Variants in TBX1 observed in about 807,000 individuals in gnomAD.
TBX1 encodes the protein T-box transcription factor 1.
A neutral mutation model predicts 40.8 loss-of-function variants in TBX1; 16 were observed. That is an observed-to-expected ratio of 0.39 (90% confidence interval 0.27 to 0.60). The LOEUF (loss-of-function observed/expected upper bound fraction) is 0.60. TBX1 is among the 20% of genes least tolerant of loss of function. The probability of loss-of-function intolerance (pLI) is 0.51; values close to 1 mark genes in which losing one functional copy is unlikely to be tolerated. For missense variants in TBX1, 755 were observed against 728.5 expected (o/e 1.04, Z -0.42); for synonymous variants, 403 against 336.8 (o/e 1.20, Z -2.15).
At chr22:19,767,390 G>A (rs1011371101), downstream of TBX1, 10 of 986,276 alleles carry the variant, frequency 1.0e-5, no homozygotes, top group Non-Finnish European at 1.2e-5. Flanking sequence ...GAATCTTCGG[G>A]ACAGCGAGCC....
intron 1 of TBX1, among the ~76,000 whole-genome samples, chr22:19,762,930 A>T (rs1249268738): frequency 1.3e-5 from 2 of 152,172 alleles, no homozygotes; most frequent in Non-Finnish European, 2.9e-5. Context: ...GAGGCCAAAA[A>T]GTCAGCAAGG....
At chr22:19,771,167 C>G (rs571917502), downstream of TBX1, among the ~76,000 whole-genome samples, 13 of 152,334 alleles carry the variant, frequency 8.5e-5, no homozygotes, top group Admixed American at 3.3e-4. Context: ...CTTCACCCCC[C>G]GCCCTGAAGG....
chr22:19,766,923 C>A lies in TBX1; in HGVS notation c.*56C>A. The A allele has an allele frequency of 6.4e-7, 1 of 1,565,306 alleles. No homozygotes were observed. Among genetic ancestry groups the A allele is most frequent in the Admixed American group, 1.8e-5 (1 of 56,170 alleles). On this transcript the variant is annotated 3_prime_UTR_variant, in exon 7 of 7. Transcript: ENST00000649276. Reference sequence around the variant, plus strand: ...CTGCACAGCCCCGAAGTTCGCCGGGCCCGGCCACCCTGCCCCAAGGGCAAG... The same window carrying A: ...CTGCACAGCCCCGAAGTTCGCCGGGACCGGCCACCCTGCCCCAAGGGCAAG...
At chr22:19,770,973 G>C (rs1456015449), downstream of TBX1, among the ~76,000 whole-genome samples, 1 of 152,174 alleles carries the variant, frequency 6.6e-6, no homozygotes, top group Non-Finnish European at 1.5e-5. Flanking sequence ...TTTCCCTTCA[G>C]CTGTGGTGCT....
At position 19,764,444 on chromosome 22, in the gene TBX1, G is replaced by A. The variant is rs935616399; in HGVS notation, c.711+118G>A. 20 of 1,363,488 alleles carry A rather than the reference G, an allele frequency of 1.5e-5. No individual in the cohort carries two copies. The Admixed American group carries it at 1.9e-4, about 13-fold the overall frequency. 84.5% of individuals were successfully genotyped at this position (1,363,488 alleles called of 1,614,324 possible). Reference sequence around the variant, plus strand: ...CCCCCGGCTGTCCCCAGGCGGCTCTGGGCTGTCCCCGAGGAGGCCCTTTAG... The same window carrying A: ...CCCCCGGCTGTCCCCAGGCGGCTCTAGGCTGTCCCCGAGGAGGCCCTTTAG... On this transcript the variant is annotated intron_variant, in intron 3 of 6. Coordinates refer to ENST00000649276, the MANE Select transcript of TBX1 (RefSeq NM_001379200.1).
intron 2 of TBX1, 171 bp downstream of exon 2, chr22:19,763,513 A>C: frequency 1.5e-6 from 1 of 651,614 alleles, no homozygotes; most frequent in Non-Finnish European, 2.7e-6. Context: ...CCCCAGACCC[A>C]CAACCCTACT....
At chr22:19,762,653 C>G (rs967453905) in intron 1 of TBX1, among the ~76,000 whole-genome samples, 1 of 152,074 alleles carries the variant, frequency 6.6e-6, no homozygotes, top group South Asian at 2.1e-4. Context: ...GCCCTGTGCC[C>G]TGAGGAAGGT....
downstream of TBX1, chr22:19,783,005 C>G (rs756297500): frequency 9.1e-7 from 1 of 1,095,114 alleles, no homozygotes; most frequent in South Asian, 1.2e-5. Context: ...GAGACCACCA[C>G]ACTGCAAGGA....
downstream of TBX1, among the ~76,000 whole-genome samples, chr22:19,769,427 C>T (rs990163451): frequency 1.3e-5 from 2 of 152,242 alleles, no homozygotes; most frequent in African/African-American, 4.8e-5. Context: ...CTCCCCTCCA[C>T]CTTTGTAGAT....
rs775788782 is a variant in TBX1, at chr22:19,765,940, G to A, written c.974G>A (p.Ser325Asn). 6 of 1,524,590 alleles carry A rather than the reference G, an allele frequency of 3.9e-6. No homozygotes were observed. In the South Asian group the frequency reaches 7.3e-5, roughly 19 times the overall value. The allele number at this position is 1,524,590 out of a possible 1,614,324, so 94.4% of individuals were successfully genotyped here. The change falls in exon 6 of 7, where the codon AGC (serine) becomes AAC (asparagine). Residue 325 changes from serine (S) to asparagine (N), a missense_variant. Coordinates refer to ENST00000649276, the MANE Select transcript of TBX1 (RefSeq NM_001379200.1). ...NHRPGALPLMSAFARSRNPVA... is the reference protein window; with the variant it reads ...NHRPGALPLMNAFARSRNPVA... Reference sequence around the variant, plus strand: ...CGGCCCGGCGCACTGCCGCTCATGAGCGCCTTCGCGCGCTCGCGGAACCCC... The same window carrying A: ...CGGCCCGGCGCACTGCCGCTCATGAACGCCTTCGCGCGCTCGCGGAACCCC...
downstream of TBX1, among the ~76,000 whole-genome samples, chr22:19,770,195 A>T (rs183340807): frequency 7.9e-5 from 12 of 152,328 alleles, no homozygotes; most frequent in Middle Eastern, 3.4e-3. Context: ...ACGAGAGACC[A>T]GAAGGGCCCC....
chr22:19,758,799 G>A (rs921924008), upstream of TBX1, among the ~76,000 whole-genome samples: 3 of 152,202 alleles, frequency 2.0e-5, no homozygotes, highest in South Asian at 2.1e-4. Flanking sequence ...TCGGGCTCGC[G>A]GGCTGCGCAG....
chr22:19,767,027 G>T lies in TBX1; in HGVS notation c.*160G>T. On this transcript the variant is annotated 3_prime_UTR_variant, in exon 7 of 7. Transcript: ENST00000649276. ...GCCTCGAAGCCATGGGGGCCCCCTC[G>T]CCACCCCCAGCCCCTTGGGCTATCG... 1 of 1,350,328 alleles carries T rather than the reference G, an allele frequency of 7.4e-7. No homozygotes were observed. Among genetic ancestry groups the T allele is most frequent in the Non-Finnish European group, 9.5e-7 (1 of 1,054,392 alleles). The allele number at this position is 1,350,328 out of a possible 1,614,324, so 83.6% of individuals were successfully genotyped here. A position where few individuals can be genotyped will look rare whatever the true frequency, so the allele number is the denominator to read the frequency against.
chr22:19,764,122 C>T, intron 2 of TBX1, 33 bp from the exon 3 acceptor site: 1 of 1,611,702 alleles, frequency 6.2e-7, no homozygotes, highest in Non-Finnish European at 8.5e-7. Context: ...GGGTTCACCT[C>T]CACATGCACG....
At chr22:19,761,564 C>A (rs925956795) in intron 1 of TBX1, among the ~76,000 whole-genome samples, 1 of 151,840 alleles carries the variant, frequency 6.6e-6, no homozygotes, top group African/African-American at 2.4e-5. Flanking sequence ...CGCCCGCCCG[C>A]CCCGCAGCCC....
chr22:19,773,442 A>C (rs1444589075), intron 8 of TBX1, among the ~76,000 whole-genome samples: 1 of 152,120 alleles, frequency 6.6e-6, no homozygotes, highest in African/African-American at 2.4e-5. Context: ...AGAGACTTGC[A>C]ACTGGGGGCA....
chr22:19,775,361 C>T (rs1426125627), intron 8 of TBX1, among the ~76,000 whole-genome samples: 2 of 152,210 alleles, frequency 1.3e-5, no homozygotes, highest in African/African-American at 4.8e-5. Flanking sequence ...TCCCAAAGTG[C>T]TGGGATTACA....
At chr22:19,776,968 G>A (rs926892227) in intron 8 of TBX1, among the ~76,000 whole-genome samples, 1 of 152,266 alleles carries the variant, frequency 6.6e-6, no homozygotes, top group Admixed American at 6.5e-5. Flanking sequence ...CAGCACACGG[G>A]GTGGGAGGAG....
In TBX1 at chr22:19,765,696, C is replaced by T. The variant is rs1169877585; in HGVS notation, c.868-62C>T. ...TCTCCTAACACTCCCCTATCCTCCG[C>T]CGAGGTCGGGTGGCCCAGGCTGCAG... On this transcript the variant is annotated intron_variant, in intron 4 of 6. Transcript: ENST00000649276. 7 of 1,588,538 alleles carry T rather than the reference C, an allele frequency of 4.4e-6. No individual in the cohort carries two copies. In the Admixed American group the frequency reaches 1.0e-4, roughly 23 times the overall value.
Sources: gnomAD v4.1 joint callset for allele counts (sites outside exome capture counted in the v4.1 genomes callset) on GRCh38, gnomAD v4.1.1 for gene constraint, MANE v1.5 for transcripts, NCBI Gene and HGNC (gene_info 2026-07-23, HGNC 2026-07-21) for gene names.